PHACTR1: variants seen among roughly 807,000 people sequenced by gnomAD.
PHACTR1 encodes the protein RPEL repeat containing 1.
Under a neutral mutation model 69.2 loss-of-function variants are expected in PHACTR1, and 16 were observed. That is an observed-to-expected ratio of 0.23 (90% CI 0.16 to 0.35). The LOEUF is 0.35. PHACTR1 is among the 10% of genes least tolerant of loss of function. PHACTR1 has a pLI of 1.00. For synonymous variants in PHACTR1, 312 were observed against 284.5 expected, an observed-to-expected ratio of 1.10 and a Z score of -0.97; for missense variants, 510 against 734.7, an observed-to-expected ratio of 0.69 and a Z score of 3.54.
chr6:13,188,873 G>A (rs187590204), intron 7 of PHACTR1, among the ~76,000 whole-genome samples: 5 of 152,302 alleles, frequency 3.3e-5, no homozygotes, highest in African/African-American at 4.8e-5. Context: ...TACAGTGTCC[G>A]ACAGAGCTTG....
At chr6:12,989,318 A>C (rs1796546305) in intron 4 of PHACTR1, among the ~76,000 whole-genome samples, 1 of 152,218 alleles carries the variant, frequency 6.6e-6, no homozygotes, top group South Asian at 2.1e-4. Context: ...TATATTCACA[A>C]AGCCAAGTGA....
intron 4 of PHACTR1, among the ~76,000 whole-genome samples, chr6:12,880,230 CTTTT>C (rs61160052): frequency 9.3e-6 from 1 of 107,748 alleles, no homozygotes. Context: ...ACTTTTTTTT[CTTTT>C]TTTTTTTTTT....
intron 5 of PHACTR1, among the ~76,000 whole-genome samples, chr6:13,080,044 G>A (rs1811128060): frequency 6.6e-6 from 1 of 152,006 alleles, no homozygotes; most frequent in South Asian, 2.1e-4. Flanking sequence ...TTCTGTGTTG[G>A]AAGGCTCAAA....
At chr6:12,877,429 G>T (rs530578517) in intron 4 of PHACTR1, among the ~76,000 whole-genome samples, 1 of 152,232 alleles carries the variant, frequency 6.6e-6, no homozygotes, top group Admixed American at 6.5e-5. Context: ...AGAAAATACT[G>T]TTAAACACTA....
At chr6:13,126,687 A>T (rs980846010) in intron 5 of PHACTR1, among the ~76,000 whole-genome samples, 2 of 152,240 alleles carry the variant, frequency 1.3e-5, no homozygotes, top group Non-Finnish European at 2.9e-5. Context: ...ATATCGCACC[A>T]CCTTATGTGA....
chr6:12,870,481 C>G (rs978513186), intron 4 of PHACTR1, among the ~76,000 whole-genome samples: 1 of 152,176 alleles, frequency 6.6e-6, no homozygotes, highest in Non-Finnish European at 1.5e-5. Flanking sequence ...TAGAAAATGT[C>G]AGCCTGCGAA....
rs760966782 is a variant in PHACTR1 at position 13,053,510 on chromosome 6, G to A, written c.396G>A (p.Lys132=). 6.2e-7 allele frequency: 1 copy of A among 1,613,662 alleles called. No individual in the cohort carries two copies. ...PWKWRKKKSE[K]FKHTSAALER... ...AATGGAGGAAGAAGAAAAGCGAAAAGTTCAAACACACGTCAGCAGGTAAGA... is the reference window on the plus strand; with the variant it reads ...AATGGAGGAAGAAGAAAAGCGAAAAATTCAAACACACGTCAGCAGGTAAGA... Residue 132 remains lysine, a synonymous_variant, in exon 5 of 15, where the codon AAG becomes AAA. Transcript: ENST00000332995.
rs1473647926 is a variant in PHACTR1 at position 13,130,991 on chromosome 6, G to A, written c.416-29213G>A. Among the ~76,000 whole-genome samples the A allele has an allele frequency of 3.9e-5, 6 of 152,154 alleles. No homozygotes were observed. In the South Asian group the frequency reaches 6.2e-4, roughly 16 times the overall value. ...AGTGGGTTTCATACCAGGGATGTGA[G>A]GTTGGTTTAACATATACAAGTGAAT... On this transcript the variant is annotated intron_variant, in intron 5 of 14. Transcript: ENST00000332995.
intron 5 of PHACTR1, among the ~76,000 whole-genome samples, chr6:13,150,006 CCT>C (rs1824062640): frequency 6.6e-6 from 1 of 152,072 alleles, no homozygotes; most frequent in Non-Finnish European, 1.5e-5. Flanking sequence ...AACTGACCTG[CCT>C]CTCTCTGCTT....
At chr6:13,279,582 G>A (rs751670718) in intron 12 of PHACTR1, 5 of 152,114 alleles carry the variant, frequency 3.3e-5, no homozygotes, top group South Asian at 2.1e-4. Flanking sequence ...CTTTCCCTGC[G>A]AGCATCCCAA....
chr6:13,076,737 G>A (rs1324205070), intron 5 of PHACTR1, among the ~76,000 whole-genome samples: 1 of 151,986 alleles, frequency 6.6e-6, no homozygotes, highest in Non-Finnish European at 1.5e-5. Context: ...TGGTGTTCAA[G>A]GTTGGAAAGA....
chr6:12,734,329 G>T (rs537255476), intron 3 of PHACTR1, among the ~76,000 whole-genome samples: 135 of 152,274 alleles, frequency 8.9e-4, no homozygotes, highest in African/African-American at 3.2e-3. Context: ...CCACAGTCTT[G>T]CTTGGAGCTC....
intron 5 of PHACTR1, among the ~76,000 whole-genome samples, chr6:13,139,708 G>T (rs1822134061): frequency 6.6e-6 from 1 of 152,094 alleles, no homozygotes; most frequent in Non-Finnish European, 1.5e-5. Flanking sequence ...ACACACAACA[G>T]AGGAAGATAT....
intron 5 of PHACTR1, among the ~76,000 whole-genome samples, chr6:13,129,229 TA>T (rs1413371047): frequency 6.6e-6 from 1 of 152,030 alleles, no homozygotes; most frequent in Non-Finnish European, 1.5e-5. Flanking sequence ...ATAGGGCCTA[TA>T]AAACAATAAC....
intron 4 of PHACTR1, among the ~76,000 whole-genome samples, chr6:13,000,122 A>G (rs906511097): frequency 3.3e-5 from 5 of 152,216 alleles, no homozygotes; most frequent in African/African-American, 1.2e-4. Flanking sequence ...CACTGCTATG[A>G]TCAGAAGAAC....
At position 12,879,139 on chromosome 6, in the gene PHACTR1, T is replaced by G. The variant is rs1441493278; in HGVS notation, c.250+129349T>G. Among the ~76,000 whole-genome samples the G allele has an allele frequency of 2.0e-5, 3 of 152,306 alleles. No homozygotes were observed. In the East Asian group the frequency reaches 5.8e-4, roughly 29 times the overall value. ...TGGAGTGTATTGCAGAGGCTATTGCTGGAGGCGATGAAAATTTTAGGAGGC... is the reference window on the plus strand; with the variant it reads ...TGGAGTGTATTGCAGAGGCTATTGCGGGAGGCGATGAAAATTTTAGGAGGC... On this transcript the variant is annotated intron_variant, in intron 4 of 14. Coordinates refer to ENST00000332995, the MANE Select transcript of PHACTR1 (RefSeq NM_030948.6).
intron 5 of PHACTR1, among the ~76,000 whole-genome samples, chr6:13,061,787 T>C (rs941396665): frequency 6.6e-6 from 1 of 152,210 alleles, no homozygotes; most frequent in Admixed American, 6.5e-5. Context: ...TTTGAACCGA[T>C]ATTTTCTGGG....
intron 4 of PHACTR1, among the ~76,000 whole-genome samples, chr6:12,902,724 AAT>A (rs1785335467): frequency 6.6e-6 from 1 of 152,168 alleles, no homozygotes; most frequent in Non-Finnish European, 1.5e-5. Flanking sequence ...ATGATGATTG[AAT>A]GAATCAATAC....
intron 4 of PHACTR1, among the ~76,000 whole-genome samples, chr6:12,777,723 C>T (rs1770271411): frequency 6.7e-6 from 1 of 150,192 alleles, no homozygotes; most frequent in Non-Finnish European, 1.5e-5. Context: ...CCTATGCCTC[C>T]CAGGTTCAAG....
Sources: allele counts gnomAD v4.1 joint callset (sites outside exome capture counted in the v4.1 genomes callset), GRCh38; gene constraint gnomAD v4.1.1; transcripts MANE v1.5; gene names NCBI Gene and HGNC (gene_info 2026-07-23, HGNC 2026-07-21).